Variants in GDPD5 observed in about 807,000 individuals in gnomAD.
The protein encoded by GDPD5 is glycerophosphodiester phosphodiesterase domain containing 5.
GDPD5 carries 48 observed loss-of-function variants against 75.1 expected under a neutral mutation model. The ratio of observed to expected loss-of-function variants is 0.64; its 90% confidence interval spans 0.51 to 0.81. GDPD5 has a LOEUF of 0.81. GDPD5 is among the 40% of genes least tolerant of loss of function. The probability of loss-of-function intolerance (pLI) is 0.00; values close to 1 mark genes in which losing one functional copy is unlikely to be tolerated. For missense variants in GDPD5, 706 were observed against 822.6 expected (o/e 0.86, Z 1.73); for synonymous variants, 336 against 339.0 (o/e 0.99, Z 0.10).
chr11:75,453,857 T>C (rs889769251), intron 6 of GDPD5, among the ~76,000 whole-genome samples: 6 of 152,082 alleles, frequency 3.9e-5, no homozygotes, highest in African/African-American at 1.4e-4. Context: ...AAGATCACAC[T>C]ATACCCCAAA....
At chr11:75,498,570 G>A (rs951170471) in intron 1 of GDPD5, among the ~76,000 whole-genome samples, 18 of 152,212 alleles carry the variant, frequency 1.2e-4, no homozygotes. Context: ...CAGGTTACCA[G>A]GGCCTCTAGG....
chr11:75,518,283 A>G (rs932131432), intron 1 of GDPD5, among the ~76,000 whole-genome samples: 1 of 152,176 alleles, frequency 6.6e-6, no homozygotes, highest in Non-Finnish European at 1.5e-5. Context: ...GGTTAACTGG[A>G]TTACCAAGTC....
At chr11:75,507,966 C>CTTT (rs372045373) in intron 1 of GDPD5, among the ~76,000 whole-genome samples, 1 of 148,006 alleles carries the variant, frequency 6.8e-6, no homozygotes, top group Admixed American at 6.8e-5. Context: ...CTATCAGTTG[C>CTTT]TTTTTTTTTT....
At chr11:75,441,549 T>G in intron 13 of GDPD5, 97 bp downstream of exon 13, 1 of 982,358 alleles carries the variant, frequency 1.0e-6, no homozygotes, top group Non-Finnish European at 1.4e-6. Flanking sequence ...CGACCGTGTG[T>G]GTGTGTGTGT....
intron 1 of GDPD5, among the ~76,000 whole-genome samples, chr11:75,515,728 C>G (rs759631751): frequency 2.6e-5 from 4 of 152,226 alleles, no homozygotes; most frequent in Non-Finnish European, 5.9e-5. Flanking sequence ...TGCACCTGAA[C>G]TCGCCTGACA....
At chr11:75,518,234 C>T (rs1377472116) in intron 1 of GDPD5, among the ~76,000 whole-genome samples, 3 of 152,162 alleles carry the variant, frequency 2.0e-5, no homozygotes, top group Non-Finnish European at 4.4e-5. Context: ...ACTGAGGCTC[C>T]GAGAAGACAC....
intron 2 of GDPD5, among the ~76,000 whole-genome samples, chr11:75,487,335 C>T (rs1232918997): frequency 6.6e-6 from 1 of 152,194 alleles, no homozygotes; most frequent in Non-Finnish European, 1.5e-5. Flanking sequence ...AGAAGGTAAC[C>T]AGACCTAGGG....
chr11:75,436,499 G>A (rs1011568103), intron 16 of GDPD5, among the ~76,000 whole-genome samples: 91 of 126,312 alleles, frequency 7.2e-4, no homozygotes, highest in African/African-American at 2.8e-3. Context: ...TCCCATCGCA[G>A]GAACTCGACT....
intron 1 of GDPD5, among the ~76,000 whole-genome samples, chr11:75,506,150 A>G (rs1565218160): frequency 6.6e-6 from 1 of 152,168 alleles, no homozygotes; most frequent in Non-Finnish European, 1.5e-5. Context: ...CACAGTAGGC[A>G]CTCAATAAAA....
intron 2 of GDPD5, among the ~76,000 whole-genome samples, chr11:75,482,337 C>T (rs764723122): frequency 2.0e-5 from 3 of 152,112 alleles, no homozygotes; most frequent in Non-Finnish European, 4.4e-5. Flanking sequence ...CTTCTGTATG[C>T]TCTCCTGGCT....
At chr11:75,440,034 T>TCCAC in intron 14 of GDPD5, 73 bp from the exon 15 acceptor site, 2 of 1,195,022 alleles carry the variant, frequency 1.7e-6, no homozygotes, top group Non-Finnish European at 2.4e-6. Context: ...TGAGGGTCCG[T>TCCAC]GGACCAAAGG....
intron 9 of GDPD5, among the ~76,000 whole-genome samples, chr11:75,444,997 G>A (rs1374112196): frequency 7.2e-5 from 11 of 152,132 alleles, no homozygotes; most frequent in Admixed American, 7.2e-4. Context: ...GGATGGTAGA[G>A]TTTCAGTGCG....
intron 1 of GDPD5, among the ~76,000 whole-genome samples, chr11:75,503,089 A>C (rs1437985598): frequency 6.6e-6 from 1 of 152,142 alleles, no homozygotes; most frequent in Non-Finnish European, 1.5e-5. Context: ...GGGACATCTC[A>C]GCTCACTGCA....
chr11:75,503,586 A>G (rs910243436), intron 1 of GDPD5, among the ~76,000 whole-genome samples: 3 of 152,160 alleles, frequency 2.0e-5, no homozygotes, highest in African/African-American at 7.2e-5. Flanking sequence ...CTCCCAGCCC[A>G]CAGCAGGCCT....
At chr11:75,459,571 CCAGCA>C (rs1949367800) in intron 4 of GDPD5, among the ~76,000 whole-genome samples, 1 of 152,056 alleles carries the variant, frequency 6.6e-6, no homozygotes, top group Non-Finnish European at 1.5e-5. Context: ...GCCTGTAATC[CCAGCA>C]CTTTGGGAGG....
chr11:75,508,204 G>A (rs1950444082), intron 1 of GDPD5: 2 of 152,156 alleles, frequency 1.3e-5, no homozygotes, highest in Non-Finnish European at 2.9e-5. Context: ...GAGTCACAAG[G>A]TACAAAAACG....
In GDPD5 at chr11:75,457,668, TGCCCTCCAAA is replaced by T. The variant is rs1949313319; in HGVS notation, c.315+15_315+24del. The T allele has an allele frequency of 6.2e-7, 1 of 1,603,228 alleles. No individual in the cohort carries two copies. The highest frequency in any genetic ancestry group is 2.2e-5 in the East Asian group (1 of 44,838). On this transcript the variant is annotated intron_variant, in intron 5 of 16. Coordinates refer to ENST00000336898, the MANE Select transcript of GDPD5 (RefSeq NM_030792.8). ...CCCTTCCCCTGGGAGCAGGGCCACC[TGCCCTCCAAA>T]ACAGCCCCATGTACCAGGAGGCCAG...
chr11:75,478,496 T>C (rs941404459), intron 2 of GDPD5, among the ~76,000 whole-genome samples: 84 of 152,230 alleles, frequency 5.5e-4, no homozygotes, highest in African/African-American at 2.0e-3. Flanking sequence ...TGTAAAACTG[T>C]AGCCCCTTCC....
chr11:75,475,358 C>T (rs1205784746), intron 3 of GDPD5, among the ~76,000 whole-genome samples: 1 of 152,144 alleles, frequency 6.6e-6, no homozygotes, highest in Non-Finnish European at 1.5e-5. Flanking sequence ...TCCACCACCC[C>T]TCAACTCAGG....
Sources: allele counts gnomAD v4.1 joint callset (sites outside exome capture counted in the v4.1 genomes callset), GRCh38; gene constraint gnomAD v4.1.1; transcripts MANE v1.5; gene names NCBI Gene and HGNC (gene_info 2026-07-23, HGNC 2026-07-21).